The following SEMA6D variants were observed in gnomAD, a reference collection of about 807,000 sequenced individuals.
SEMA6D encodes semaphorin-6D.
Under a neutral mutation model 106.6 loss-of-function variants are expected in SEMA6D, and 35 were observed. That is an observed-to-expected ratio of 0.33 (90% CI 0.25 to 0.44). SEMA6D has a LOEUF of 0.44. Ranked by LOEUF, SEMA6D falls within the 20% of genes least tolerant of loss-of-function variation. The pLI, the probability that SEMA6D is intolerant of heterozygous loss-of-function variation, is 1.00. For synonymous variants in SEMA6D, 499 were observed against 487.7 expected (o/e 1.02, Z -0.31); for missense variants, 1,185 against 1,345.9 (o/e 0.88, Z 1.87).
chr15:47,670,522 G>A lies in SEMA6D; in HGVS notation c.-55+69626G>A, dbSNP rs547910007. Among the ~76,000 whole-genome samples, 59 of 152,316 alleles carry A rather than the reference G, an allele frequency of 3.9e-4. 1 individual carries two copies. The highest frequency in any genetic ancestry group is 3.9e-3 in the Admixed American group (59 of 15,300). ...AGACATGGGGGAGAATGCACATGGG[G>A]AAGGCATTGTCTTAATGATTTCTTC... On this transcript the variant is annotated intron_variant, in intron 4 of 19. Transcript: ENST00000558014.
chr15:47,236,408 A>G (rs567266614), intron 1 of SEMA6D, among the ~76,000 whole-genome samples: 1 of 152,226 alleles, frequency 6.6e-6, no homozygotes, highest in Admixed American at 6.5e-5. Context: ...AATTCTAAGT[A>G]TTTAATATTA....
chr15:47,450,511 C>A, intron 2 of SEMA6D, among the ~76,000 whole-genome samples: 1 of 152,070 alleles, frequency 6.6e-6, no homozygotes, highest in East Asian at 1.9e-4. Context: ...AGGAGGTGGG[C>A]TTTCTTCTCA....
chr15:47,302,401 G>C (rs1331773080), intron 1 of SEMA6D, among the ~76,000 whole-genome samples: 1 of 152,088 alleles, frequency 6.6e-6, no homozygotes, highest in Non-Finnish European at 1.5e-5. Flanking sequence ...AAAAAGAAAA[G>C]CAAAAAACAA....
chr15:47,671,305 C>T (rs2078132048), intron 4 of SEMA6D, among the ~76,000 whole-genome samples: 2 of 152,076 alleles, frequency 1.3e-5, no homozygotes, highest in Admixed American at 1.3e-4. Context: ...AAGGTATATA[C>T]AAAATGTGGA....
At chr15:47,235,918 C>A (rs1255509025) in intron 1 of SEMA6D, among the ~76,000 whole-genome samples, 2 of 152,004 alleles carry the variant, frequency 1.3e-5, no homozygotes, top group Non-Finnish European at 2.9e-5. Context: ...CATAAGAATT[C>A]TTTGTTACTT....
chr15:47,190,751 C>T (rs1057072592), intron 1 of SEMA6D, among the ~76,000 whole-genome samples: 1 of 152,154 alleles, frequency 6.6e-6, no homozygotes, highest in African/African-American at 2.4e-5. Flanking sequence ...TCAATATTTT[C>T]TTCATACTAT....
chr15:47,591,289 C>T (rs895313941), intron 3 of SEMA6D, among the ~76,000 whole-genome samples: 9 of 152,280 alleles, frequency 5.9e-5, no homozygotes, highest in Admixed American at 2.6e-4. Flanking sequence ...GAAGTCCCCA[C>T]CTCTTAATAT....
At chr15:47,342,855 C>G (rs974484699) in intron 1 of SEMA6D, among the ~76,000 whole-genome samples, 4 of 152,112 alleles carry the variant, frequency 2.6e-5, no homozygotes, top group Non-Finnish European at 4.4e-5. Flanking sequence ...GGATTACAGG[C>G]ACATGCCACC....
At chr15:47,326,283 T>G (rs2037126328) in intron 1 of SEMA6D, among the ~76,000 whole-genome samples, 1 of 152,248 alleles carries the variant, frequency 6.6e-6, no homozygotes, top group Non-Finnish European at 1.5e-5. Flanking sequence ...AATGCTATTT[T>G]ATTTTACTTA....
intron 18 of SEMA6D, 115 bp from the exon 19 acceptor site, chr15:47,770,382 C>T (rs879786180): frequency 4.2e-5 from 34 of 818,696 alleles, no homozygotes; most frequent in Non-Finnish European, 5.5e-5. Context: ...ACTTGACCCT[C>T]CGAGCTAAGC....
intron 1 of SEMA6D, among the ~76,000 whole-genome samples, chr15:47,259,611 T>G (rs1247035138): frequency 6.6e-6 from 1 of 152,170 alleles, no homozygotes; most frequent in African/African-American, 2.4e-5. Flanking sequence ...AAATTTGTTC[T>G]TTGTCTTAGA....
intron 4 of SEMA6D, among the ~76,000 whole-genome samples, chr15:47,670,484 C>T (rs926292788): frequency 2.6e-5 from 4 of 152,094 alleles, no homozygotes; most frequent in African/African-American, 9.7e-5. Flanking sequence ...TAATGCATAG[C>T]GGGAAGCAAG....
intron 3 of SEMA6D, among the ~76,000 whole-genome samples, chr15:47,509,580 T>A (rs569597755): frequency 1.1e-4 from 16 of 152,334 alleles, no homozygotes; most frequent in African/African-American, 3.8e-4. Flanking sequence ...TCCTTGTATC[T>A]CCATACAGCT....
At chr15:47,544,888 G>C (rs2142283217) in intron 3 of SEMA6D, among the ~76,000 whole-genome samples, 1 of 152,222 alleles carries the variant, frequency 6.6e-6, no homozygotes, top group Non-Finnish European at 1.5e-5. Context: ...TCAGCAATCT[G>C]TTAAACGATA....
upstream of SEMA6D, among the ~76,000 whole-genome samples, chr15:47,715,651 C>T (rs894989690): frequency 1.3e-5 from 2 of 152,160 alleles, no homozygotes; most frequent in African/African-American, 4.8e-5. Context: ...TATCCTTCTG[C>T]AATCTAAAAG....
intron 1 of SEMA6D, among the ~76,000 whole-genome samples, chr15:47,195,247 G>A (rs1894256928): frequency 6.6e-6 from 1 of 152,162 alleles, no homozygotes; most frequent in Non-Finnish European, 1.5e-5. Context: ...GGGTGAAACA[G>A]AAGTGTTTCC....
chr15:47,385,045 AT>A (rs374354563), intron 1 of SEMA6D, among the ~76,000 whole-genome samples: 1,160 of 94,328 alleles, frequency 0.012, 18 homozygotes, highest in African/African-American at 0.028. Flanking sequence ...CTGGACTGTA[AT>A]TTTTTTTTTT....
intron 2 of SEMA6D, among the ~76,000 whole-genome samples, chr15:47,418,122 A>G (rs1261051615): frequency 6.6e-6 from 1 of 152,128 alleles, no homozygotes; most frequent in Non-Finnish European, 1.5e-5. Flanking sequence ...TGGCCTGGTA[A>G]AGCTTTTCTA....
chr15:47,240,162 T>A (rs1595793047), intron 1 of SEMA6D, among the ~76,000 whole-genome samples: 1 of 152,274 alleles, frequency 6.6e-6, no homozygotes, highest in East Asian at 1.9e-4. Flanking sequence ...CTTTCTACCA[T>A]GAATTGTTTC....
Sources: gnomAD v4.1 joint callset for allele counts (sites outside exome capture counted in the v4.1 genomes callset) on GRCh38, gnomAD v4.1.1 for gene constraint, MANE v1.5 for transcripts, NCBI Gene and HGNC (gene_info 2026-07-23, HGNC 2026-07-21) for gene names.